Variants in GPC5 observed in about 807,000 individuals in gnomAD.
GPC5 encodes glypican 5.
Under a neutral mutation model 53.9 loss-of-function variants are expected in GPC5, and 47 were observed. That is an observed-to-expected ratio of 0.87 (90% CI 0.69 to 1.11). The LOEUF (loss-of-function observed/expected upper bound fraction) is 1.11, where lower values mean the gene tolerates loss of function less well. Among genes scored for constraint, GPC5 ranks in the 50% most tolerant of loss-of-function variants. The pLI is 0.00. For missense variants in GPC5, 748 were observed against 713.1 expected, an observed-to-expected ratio of 1.05 and a Z score of -0.56; for synonymous variants, 286 against 263.3, an observed-to-expected ratio of 1.09 and a Z score of -0.84.
chr13:91,792,898 C>A (rs1292351558), intron 5 of GPC5, among the ~76,000 whole-genome samples: 1 of 152,118 alleles, frequency 6.6e-6, no homozygotes, highest in Non-Finnish European at 1.5e-5. Context: ...TATCACTATA[C>A]TAAGGACTGT....
In GPC5 at chr13:91,406,323, A is replaced by G. The variant is rs143815383; in HGVS notation, c.163+7114A>G. On this transcript the variant is annotated intron_variant, in intron 1 of 7. Transcript: ENST00000377067. ...TAGGCCTGTGGATACTGAGTATCTCAGATTCTGCTTCTGTGTACAATGATA... is the reference window on the plus strand; with the variant it reads ...TAGGCCTGTGGATACTGAGTATCTCGGATTCTGCTTCTGTGTACAATGATA... 7.3e-4 allele frequency among the ~76,000 whole-genome samples: 111 copies of G among 152,298 alleles called. 1 individual carries two copies. In the East Asian group the frequency reaches 0.014, roughly 19 times the overall value.
At chr13:91,664,383 T>C (rs2035058080) in intron 2 of GPC5, among the ~76,000 whole-genome samples, 1 of 152,236 alleles carries the variant, frequency 6.6e-6, no homozygotes, top group Non-Finnish European at 1.5e-5. Context: ...TGATCATTTA[T>C]CTAAAGCATT....
chr13:91,419,810 G>A (rs1878481969), intron 1 of GPC5, among the ~76,000 whole-genome samples: 1 of 152,130 alleles, frequency 6.6e-6, no homozygotes, highest in South Asian at 2.1e-4. Context: ...TCCTCCTGAT[G>A]GCCATTACCT....
At chr13:91,508,048 T>C (rs188763547) in intron 2 of GPC5, among the ~76,000 whole-genome samples, 1 of 152,282 alleles carries the variant, frequency 6.6e-6, no homozygotes, top group African/African-American at 2.4e-5. Context: ...CAAAAATATA[T>C]GATAAAGGAT....
At chr13:92,270,484 T>C (rs12877870) in intron 7 of GPC5, among the ~76,000 whole-genome samples, 47,820 of 152,056 alleles carry the variant, frequency 0.31, 7,772 homozygotes, top group Middle Eastern at 0.45. Context: ...TGTAAGTTTG[T>C]GGAGGTCTCC....
intron 5 of GPC5, among the ~76,000 whole-genome samples, chr13:91,848,163 G>T (rs2038873655): frequency 6.6e-6 from 1 of 152,132 alleles, no homozygotes. Flanking sequence ...GCATTTACAT[G>T]CCAGTTTTCA....
At chr13:91,874,596 CA>C (rs1243618880) in intron 5 of GPC5, among the ~76,000 whole-genome samples, 1 of 152,052 alleles carries the variant, frequency 6.6e-6, no homozygotes, top group African/African-American at 2.4e-5. Flanking sequence ...ATTATTGAGA[CA>C]AAAGCAATGC....
chr13:92,763,681 AG>A (rs1339214658), intron 7 of GPC5, among the ~76,000 whole-genome samples: 1 of 152,068 alleles, frequency 6.6e-6, no homozygotes, highest in African/African-American at 2.4e-5. Flanking sequence ...TCATTCTCCA[AG>A]GAAGAATTGG....
chr13:92,249,136 G>A (rs114332749), intron 7 of GPC5, among the ~76,000 whole-genome samples: 4,667 of 152,176 alleles, frequency 0.031, 258 homozygotes, highest in African/African-American at 0.11. Flanking sequence ...AATTGGGCAA[G>A]CATCACTTCA....
At chr13:92,529,225 C>A (rs1881468149) in intron 7 of GPC5, among the ~76,000 whole-genome samples, 1 of 152,094 alleles carries the variant, frequency 6.6e-6, no homozygotes, top group South Asian at 2.1e-4. Context: ...TTTTAAAATT[C>A]TCAGTGCAAA....
rs9805282 is a variant in GPC5 at position 91,695,433 on chromosome 13, G to A, written c.1020+1552G>A. Among the ~76,000 whole-genome samples the A allele has an allele frequency of 5.4e-3, 820 of 152,178 alleles. 7 individuals carry two copies. The highest frequency in any genetic ancestry group is 0.035 in the South Asian group (169 of 4,810). On this transcript the variant is annotated intron_variant, in intron 3 of 7. Transcript: ENST00000377067. ...CTGTCACCCAGGCTGGGGTGCAGTG[G>A]CATGATCTCAGCTCACTGCAAGCTC...
intron 6 of GPC5, among the ~76,000 whole-genome samples, chr13:91,982,719 CCAGT>C (rs1032491841): frequency 5.3e-5 from 8 of 152,050 alleles, no homozygotes; most frequent in Non-Finnish European, 8.8e-5. Flanking sequence ...CTCAGAGAGA[CCAGT>C]CAAAGAGGAG....
chr13:92,489,725 A>G lies in GPC5; in HGVS notation c.1561+344736A>G, dbSNP rs114391036. On this transcript the variant is annotated intron_variant, in intron 7 of 7. Transcript: ENST00000377067. Reference sequence around the variant, plus strand: ...ACAGTATGGATGAAGAAATATCACCACGTTCTTTTGTTTGTCTAGACACAC... The same window carrying G: ...ACAGTATGGATGAAGAAATATCACCGCGTTCTTTTGTTTGTCTAGACACAC... 4.8e-3 allele frequency among the ~76,000 whole-genome samples: 727 copies of G among 152,188 alleles called. 6 individuals are homozygous for G. The highest frequency in any genetic ancestry group is 0.016 in the African/African-American group (684 of 41,532).
rs888479532 is a variant in GPC5, at chr13:92,405,149, C to A, written c.1561+260160C>A. 9.9e-5 allele frequency among the ~76,000 whole-genome samples: 13 copies of A among 131,466 alleles called. 1 individual carries two copies. The highest frequency in any genetic ancestry group is 3.8e-4 in the African/African-American group (13 of 34,304). The allele number at this position is 131,466 out of a possible 152,430, so 86.2% of individuals were successfully genotyped here. A position where few individuals can be genotyped will look rare whatever the true frequency, so the allele number is the denominator to read the frequency against. On this transcript the variant is annotated intron_variant, in intron 7 of 7. Transcript: ENST00000377067. ...CAAGATAATTATTTACCTGCTAATT[C>A]CATCCAGTTCAGGGGCATGGGTGTC...
At chr13:92,596,021 T>C (rs1014688866) in intron 7 of GPC5, among the ~76,000 whole-genome samples, 2 of 152,152 alleles carry the variant, frequency 1.3e-5, no homozygotes, top group Admixed American at 1.3e-4. Flanking sequence ...TGCACAAAAA[T>C]TTCATACTTG....
At chr13:91,633,827 T>G (rs1228589894) in intron 2 of GPC5, among the ~76,000 whole-genome samples, 1 of 152,112 alleles carries the variant, frequency 6.6e-6, no homozygotes, top group African/African-American at 2.4e-5. Flanking sequence ...ACTCTTTGCC[T>G]TACTCTTTAC....
intron 2 of GPC5, among the ~76,000 whole-genome samples, chr13:91,622,450 T>C (rs1308570304): frequency 2.0e-5 from 3 of 152,204 alleles, no homozygotes; most frequent in Admixed American, 1.3e-4. Flanking sequence ...GGCAATACAC[T>C]GAACATGTTC....
chr13:92,015,080 TA>T (rs1407600967), intron 6 of GPC5, among the ~76,000 whole-genome samples: 1 of 152,164 alleles, frequency 6.6e-6, no homozygotes, highest in Non-Finnish European at 1.5e-5. Flanking sequence ...CTGAACTTGG[TA>T]AAAACTGTGC....
At chr13:92,450,682 T>C (rs1031623361) in intron 7 of GPC5, among the ~76,000 whole-genome samples, 2 of 152,176 alleles carry the variant, frequency 1.3e-5, no homozygotes. Context: ...CACTGAACAC[T>C]TGAGGACAAA....
Sources: allele counts gnomAD v4.1 joint callset (sites outside exome capture counted in the v4.1 genomes callset), GRCh38; gene constraint gnomAD v4.1.1; transcripts MANE v1.5; gene names NCBI Gene and HGNC (gene_info 2026-07-23, HGNC 2026-07-21).